Variants in IPMK observed in about 807,000 individuals in gnomAD.
IPMK encodes the protein inositol polyphosphate multikinase.
In IPMK, 17 loss-of-function variants were observed where a neutral mutation model predicts 45.8. The ratio of observed to expected loss-of-function variants is 0.37; its 90% CI spans 0.25 to 0.56. IPMK has a LOEUF of 0.56. IPMK is among the 20% of genes least tolerant of loss of function. The pLI is 0.79. For missense variants in IPMK, 399 were observed against 498.0 expected (o/e 0.80, Z 1.89); for synonymous variants, 180 against 184.3 (o/e 0.98, Z 0.19).
chr10:58,238,854 T>C (rs1838656045), intron 1 of IPMK, among the ~76,000 whole-genome samples: 2 of 152,098 alleles, frequency 1.3e-5, no homozygotes, highest in African/African-American at 2.4e-5. Flanking sequence ...TTTTGTTTTT[T>C]TTTAATCTTA....
chr10:58,252,291 TTGAC>T (rs1459607124), intron 1 of IPMK, among the ~76,000 whole-genome samples: 1 of 152,216 alleles, frequency 6.6e-6, no homozygotes, highest in African/African-American at 2.4e-5. Flanking sequence ...CCCCGGTACT[TTGAC>T]TGTTTCAATT....
At chr10:58,211,783 C>T (rs1395564957) in intron 4 of IPMK, among the ~76,000 whole-genome samples, 1 of 127,136 alleles carries the variant, frequency 7.9e-6, no homozygotes, top group African/African-American at 3.1e-5. Flanking sequence ...TGTAGTGGCA[C>T]ATGCCTGTAG....
intron 3 of IPMK, among the ~76,000 whole-genome samples, chr10:58,222,750 G>A (rs1408367980): frequency 6.6e-6 from 1 of 152,174 alleles, no homozygotes; most frequent in African/African-American, 2.4e-5. Flanking sequence ...CACGTGTTCA[G>A]AAATATAACA....
intron 3 of IPMK, among the ~76,000 whole-genome samples, chr10:58,217,596 G>A (rs1418809170): frequency 6.7e-6 from 1 of 148,262 alleles, no homozygotes. Flanking sequence ...GCTGAGGCAG[G>A]AGAATGGCTT....
chr10:58,256,982 T>A (rs1183728707), intron 1 of IPMK, among the ~76,000 whole-genome samples: 1 of 152,124 alleles, frequency 6.6e-6, no homozygotes, highest in African/African-American at 2.4e-5. Context: ...GGAGGATCAC[T>A]TGAGCCCAGG....
At chr10:58,196,956 T>G (rs1588949290) in intron 5 of IPMK, among the ~76,000 whole-genome samples, 1 of 152,150 alleles carries the variant, frequency 6.6e-6, no homozygotes, top group Non-Finnish European at 1.5e-5. Context: ...CAAAAGGAAA[T>G]TTATTACAGG....
chr10:58,257,174 G>C (rs1409707547), intron 1 of IPMK, among the ~76,000 whole-genome samples: 1 of 152,184 alleles, frequency 6.6e-6, no homozygotes, highest in Non-Finnish European at 1.5e-5. Context: ...GAGAATTATA[G>C]ATTCTGTTTA....
chr10:58,211,901 C>CAAAAA (rs753050298), intron 4 of IPMK, among the ~76,000 whole-genome samples: 2,581 of 50,300 alleles, frequency 0.051, 97 homozygotes, highest in East Asian at 0.15. Flanking sequence ...GACATCTCAC[C>CAAAAA]AAAAAAAAAA....
chr10:58,234,389 C>A (rs1251650685), intron 2 of IPMK, among the ~76,000 whole-genome samples: 1 of 152,032 alleles, frequency 6.6e-6, no homozygotes, highest in Admixed American at 6.6e-5. Flanking sequence ...AAAACTGGGG[C>A]CATTATGCTA....
rs28435896 is a variant in IPMK, at chr10:58,244,191, G to T, written c.191-6377C>A. On this transcript the variant is annotated intron_variant, in intron 1 of 5. Transcript: ENST00000373935. ...CCGCCCCGTCTGGGAGGTGAGGAGC[G>T]CCTCTGCCCGGCCGCCCCACCTGGG... 2.1e-5 allele frequency among the ~76,000 whole-genome samples: 3 copies of T among 139,608 alleles called. 1 individual carries two copies. Among genetic ancestry groups the T allele is most frequent in the East Asian group, 4.6e-4 (2 of 4,326 alleles). 91.6% of individuals were successfully genotyped at this position (139,608 alleles called of 152,430 possible).
chr10:58,201,264 G>T (rs1258780762), intron 4 of IPMK, among the ~76,000 whole-genome samples: 2 of 152,092 alleles, frequency 1.3e-5, no homozygotes, highest in Non-Finnish European at 2.9e-5. Context: ...CAAATATACT[G>T]CATTATTTAC....
At chr10:58,203,487 T>C (rs536192777) in intron 4 of IPMK, among the ~76,000 whole-genome samples, 56 of 152,268 alleles carry the variant, frequency 3.7e-4, no homozygotes, top group African/African-American at 1.3e-3. Context: ...TGGCTAATTT[T>C]TGTATTCTTT....
At chr10:58,212,152 T>C (rs1838175525) in intron 4 of IPMK, among the ~76,000 whole-genome samples, 1 of 152,186 alleles carries the variant, frequency 6.6e-6, no homozygotes, top group Non-Finnish European at 1.5e-5. Flanking sequence ...ATTAAAACTT[T>C]TGCTTCTTAT....
chr10:58,192,014 TAAAGA>T lies in IPMK; in HGVS notation c.*4057_*4061del, dbSNP rs1311244459. ...AAACTTTGATGACAAAATCTAAAAT[TAAAGA>T]AAAGTCTTAAAAGCCTATAGTGACT... On this transcript the variant is annotated 3_prime_UTR_variant, in exon 6 of 6. Transcript: ENST00000373935. The T allele has an allele frequency of 6.6e-6, 1 of 152,012 alleles. No individual in the cohort carries two copies. Among genetic ancestry groups the T allele is most frequent in the African/African-American group, 2.4e-5 (1 of 41,446 alleles). 9.4% of individuals were successfully genotyped at this position (152,012 alleles called of 1,614,324 possible).
At chr10:58,229,387 AC>A (rs1838472266) in intron 2 of IPMK, among the ~76,000 whole-genome samples, 3 of 151,758 alleles carry the variant, frequency 2.0e-5, no homozygotes, top group African/African-American at 7.3e-5. Context: ...ACATGGCAAA[AC>A]CCTGTCTCTA....
At chr10:58,218,193 C>T (rs1838277873) in intron 3 of IPMK, among the ~76,000 whole-genome samples, 1 of 152,150 alleles carries the variant, frequency 6.6e-6, no homozygotes, top group African/African-American at 2.4e-5. Context: ...GAGCCTTCCA[C>T]ACTTGAAAGA....
At chr10:58,264,983 T>C (rs1404935666) in intron 1 of IPMK, among the ~76,000 whole-genome samples, 1 of 152,200 alleles carries the variant, frequency 6.6e-6, no homozygotes, top group Non-Finnish European at 1.5e-5. Flanking sequence ...AGGGCACTAC[T>C]TAAACTGAAT....
chr10:58,206,151 G>A (rs944886881), intron 4 of IPMK, among the ~76,000 whole-genome samples: 3 of 152,178 alleles, frequency 2.0e-5, no homozygotes, highest in African/African-American at 7.2e-5. Context: ...ATGACAACAT[G>A]GGTGAACTTT....
At chr10:58,219,932 A>C (rs567427283) in intron 3 of IPMK, among the ~76,000 whole-genome samples, 113 of 152,314 alleles carry the variant, frequency 7.4e-4, no homozygotes, top group African/African-American at 2.2e-3. Flanking sequence ...AAAACACTTG[A>C]CTAGATAGAA....
Sources: gnomAD v4.1 joint callset for allele counts (sites outside exome capture counted in the v4.1 genomes callset) on GRCh38, gnomAD v4.1.1 for gene constraint, MANE v1.5 for transcripts, NCBI Gene and HGNC (gene_info 2026-07-23, HGNC 2026-07-21) for gene names.